Variants in FARSB observed in about 807,000 individuals in gnomAD.
The protein encoded by FARSB is phenylalanyl-tRNA synthetase subunit beta.
Under a neutral mutation model 69.6 loss-of-function variants are expected in FARSB, and 40 were observed. The observed-to-expected ratio is 0.57, with a 90% confidence interval of 0.45 to 0.75. The LOEUF (loss-of-function observed/expected upper bound fraction) is 0.75. Among genes scored for constraint, FARSB ranks in the 30% least tolerant of loss-of-function variants. The probability of loss-of-function intolerance (pLI) is 0.00; values close to 1 mark genes in which losing one functional copy is unlikely to be tolerated. For synonymous variants in FARSB, 235 were observed against 247.2 expected, an observed-to-expected ratio of 0.95 and a Z score of 0.46; for missense variants, 632 against 722.9, an observed-to-expected ratio of 0.87 and a Z score of 1.44.
Position 222,624,284 on chromosome 2 carries a change from G to A in FARSB, c.1158C>T (p.Thr386=), listed in dbSNP as rs753031826. 1 of 1,600,818 alleles carries A rather than the reference G, an allele frequency of 6.2e-7. No individual in the cohort carries two copies. The highest frequency in any genetic ancestry group is 8.6e-7 in the Non-Finnish European group (1 of 1,169,064). The stretch of plus-strand genomic sequence containing the variant: ...GGTGCAATCTTACTTGATTAGCTAT[G>A]GTGTAAGTTTTCGGGAGAGTCATCT... The part of the protein sequence containing the change: ...NIQMTLPKTY[T]IANQFPLNKL... Residue 386 remains threonine, a synonymous_variant, in exon 12 of 17, where the codon ACC becomes ACT. Transcript: ENST00000281828.
At position 222,579,169 on chromosome 2, in the gene FARSB, G is replaced by A. The variant is rs2106178374; in HGVS notation, c.1619-7147C>T. ...TAGGCAAGCAATAGTAGAGGCTGGA[G>A]AGTAAGCAAAAGGTGAATAAGGGCC... is the stretch of plus-strand genomic sequence containing the variant. On this transcript the variant is annotated intron_variant, in intron 16 of 16. Transcript: ENST00000281828. Among the ~76,000 whole-genome samples, 3 of 152,304 alleles carry A rather than the reference G, an allele frequency of 2.0e-5. 1 individual carries two copies. Among genetic ancestry groups the A allele is most frequent in the Non-Finnish European group, 4.4e-5 (3 of 68,042 alleles).
chr2:222,577,587 G>T (rs12475396), intron 16 of FARSB, among the ~76,000 whole-genome samples: 45,907 of 152,058 alleles, frequency 0.3, 7,629 homozygotes, highest in Non-Finnish European at 0.38. Flanking sequence ...ATCCGGACAG[G>T]ATCCTGTAGG....
chr2:222,638,601 G>C (rs1364093799), intron 5 of FARSB, among the ~76,000 whole-genome samples: 2 of 152,074 alleles, frequency 1.3e-5, no homozygotes, highest in Non-Finnish European at 2.9e-5. Context: ...AAAAAATGTT[G>C]CTACTACCAC....
intron 15 of FARSB, among the ~76,000 whole-genome samples, chr2:222,600,395 G>C (rs1340193244): frequency 6.6e-6 from 1 of 152,074 alleles, no homozygotes; most frequent in Non-Finnish European, 1.5e-5. Flanking sequence ...GAGCCTTAAA[G>C]CTTCATACTC....
intron 10 of FARSB, among the ~76,000 whole-genome samples, chr2:222,627,546 AATC>A (rs1406552894): frequency 2.0e-5 from 3 of 152,234 alleles, no homozygotes; most frequent in Admixed American, 2.0e-4. Flanking sequence ...TGACCAAAAG[AATC>A]ATGAGATAAA....
Position 222,568,982 on chromosome 2 carries a change from A to C in FARSB, c.*2889T>G, listed in dbSNP as rs1284751576. On this transcript the variant is annotated 3_prime_UTR_variant, in exon 17 of 17. Coordinates refer to ENST00000281828, the MANE Select transcript of FARSB (RefSeq NM_005687.5). This position sits in a 1 kb window ranked among gnomAD's most constrained non-coding sequence, Gnocchi z 4.3. ...ATACTAGAGCTCCCAGTTTTTACTA[A>C]GAAGGTGTGCATCTTCTGTAATAAA... The C allele has an allele frequency of 6.6e-6, 1 of 152,254 alleles. No individual in the cohort carries two copies. Among genetic ancestry groups the C allele is most frequent in the Non-Finnish European group, 1.5e-5 (1 of 68,050 alleles). 9.4% of individuals were successfully genotyped at this position (152,254 alleles called of 1,614,324 possible). A position where few individuals can be genotyped will look rare whatever the true frequency, so the allele number is the denominator to read the frequency against.
At chr2:222,627,724 A>G (rs1214948070) in intron 10 of FARSB, among the ~76,000 whole-genome samples, 1 of 152,242 alleles carries the variant, frequency 6.6e-6, no homozygotes, top group African/African-American at 2.4e-5. Flanking sequence ...AGTATAATTA[A>G]CACTCTAGAA....
At position 222,648,595 on chromosome 2, in the gene FARSB, T is replaced by C; in HGVS notation, c.114+145A>G. Reference sequence around the variant, plus strand: ...CAAGGCAACAGACAGACATGGAGCTTAGCCCTCTGAACACAGAAATCATGG... The same window carrying C: ...CAAGGCAACAGACAGACATGGAGCTCAGCCCTCTGAACACAGAAATCATGG... On this transcript the variant is annotated intron_variant, in intron 2 of 16. Coordinates refer to ENST00000281828, the MANE Select transcript of FARSB (RefSeq NM_005687.5). The C allele has an allele frequency of 4.5e-6, 3 of 663,798 alleles. No individual in the cohort carries two copies. The South Asian group carries it at 5.3e-5, about 12-fold the overall frequency. 41.1% of individuals were successfully genotyped at this position (663,798 alleles called of 1,614,324 possible).
intron 2 of FARSB, among the ~76,000 whole-genome samples, chr2:222,645,846 T>G (rs1691839044): frequency 6.6e-6 from 1 of 152,250 alleles, no homozygotes; most frequent in Admixed American, 6.5e-5. Flanking sequence ...TGAGAAAAAC[T>G]GGACAAAATA....
At chr2:222,647,535 T>C (rs1288037287) in intron 2 of FARSB, among the ~76,000 whole-genome samples, 3 of 152,168 alleles carry the variant, frequency 2.0e-5, no homozygotes, top group African/African-American at 7.2e-5. Context: ...TGCAGCCTAT[T>C]GCATATTAGA....
intron 16 of FARSB, among the ~76,000 whole-genome samples, chr2:222,575,689 C>A (rs1243634106): frequency 6.6e-6 from 1 of 152,136 alleles, no homozygotes; most frequent in Non-Finnish European, 1.5e-5. Flanking sequence ...AAAGTCTGGA[C>A]AAAAGAAACA....
Position 222,642,895 on chromosome 2 carries a change from C to A in FARSB, c.225G>T (p.Leu75=). 1 of 1,613,160 alleles carries A rather than the reference C, an allele frequency of 6.2e-7. No homozygotes were observed. Among genetic ancestry groups the A allele is most frequent in the Non-Finnish European group, 8.5e-7 (1 of 1,179,312 alleles). The part of the protein sequence containing the change: ...IDVPANRYDL[L]CLEGLVRGLQ... ...GTCCTCGAACCAATCCTTCCAGACA[C>A]AGGAGATCATATCTATTGGCAGGGA... The change falls in exon 3 of 17, where the codon CTG becomes CTT. Residue 75 remains leucine (L), a synonymous_variant. Coordinates refer to ENST00000281828, the MANE Select transcript of FARSB (RefSeq NM_005687.5).
At chr2:222,655,002 G>A (rs1692133367) in intron 1 of FARSB, among the ~76,000 whole-genome samples, 1 of 151,936 alleles carries the variant, frequency 6.6e-6, no homozygotes, top group Non-Finnish European at 1.5e-5. Context: ...TTTAAGACCA[G>A]CCTGGCCAAG....
chr2:222,631,871 A>C (rs966921957), intron 7 of FARSB, among the ~76,000 whole-genome samples, 197 bp from the exon 8 acceptor site: 2 of 152,238 alleles, frequency 1.3e-5, no homozygotes, highest in Admixed American at 1.3e-4. Flanking sequence ...TCAGGAGTTC[A>C]AGACCAGCCT....
In FARSB at chr2:222,631,685, C is replaced by T. The variant is rs1217094476; in HGVS notation, c.716-11G>A. On this transcript the variant is annotated splice_polypyrimidine_tract_variant and intron_variant, in intron 7 of 16. Coordinates refer to ENST00000281828, the MANE Select transcript of FARSB (RefSeq NM_005687.5). ...TTCTGGAATGATCCCCTGCAATGAA[C>T]ACAAAACAATAACATTAAAATAACT... 7 of 1,442,390 alleles carry T rather than the reference C, an allele frequency of 4.9e-6. No individual in the cohort carries two copies. Among genetic ancestry groups the T allele is most frequent in the Non-Finnish European group, 6.8e-6 (7 of 1,025,800 alleles). The allele number at this position is 1,442,390 out of a possible 1,614,324, so 89.3% of individuals were successfully genotyped here. A position where few individuals can be genotyped will look rare whatever the true frequency, so the allele number is the denominator to read the frequency against.
At chr2:222,598,680 G>A (rs190428883) in intron 16 of FARSB, among the ~76,000 whole-genome samples, 4 of 152,118 alleles carry the variant, frequency 2.6e-5, no homozygotes, top group Non-Finnish European at 5.9e-5. Context: ...AGTATATACA[G>A]GCACTAAAAA....
At chr2:222,598,440 C>G (rs916857733) in intron 16 of FARSB, among the ~76,000 whole-genome samples, 1 of 152,236 alleles carries the variant, frequency 6.6e-6, no homozygotes, top group African/African-American at 2.4e-5. Context: ...GCTATGCTCT[C>G]ATTTACCATT....
At chr2:222,586,820 A>G (rs891942790) in intron 16 of FARSB, among the ~76,000 whole-genome samples, 8 of 152,252 alleles carry the variant, frequency 5.3e-5, no homozygotes, top group African/African-American at 1.9e-4. Context: ...TCCTAAATAT[A>G]TATGCACCCA....
At chr2:222,626,897 G>A (rs777955270) in intron 10 of FARSB, among the ~76,000 whole-genome samples, 9 of 151,924 alleles carry the variant, frequency 5.9e-5, no homozygotes, top group African/African-American at 1.2e-4. Context: ...TTAGCCGGGC[G>A]TGGTGACGGG....
Sources: gnomAD v4.1 joint callset for allele counts (sites outside exome capture counted in the v4.1 genomes callset) on GRCh38, gnomAD v4.1.1 for gene constraint, Gnocchi (gnomAD v3.1) non-coding constraint, MANE v1.5 for transcripts, NCBI Gene and HGNC (gene_info 2026-07-23, HGNC 2026-07-21) for gene names.